The following IL4R variants were observed in gnomAD, a reference collection of about 807,000 sequenced individuals.
IL4R encodes the protein interleukin-4 receptor subunit alpha.
Under a neutral mutation model 41.5 loss-of-function variants are expected in IL4R, and 17 were observed. The ratio of observed to expected loss-of-function variants is 0.41; its 90% CI spans 0.28 to 0.61. The LOEUF (loss-of-function observed/expected upper bound fraction) is 0.61. Ranked by LOEUF, IL4R falls within the 20% of genes least tolerant of loss-of-function variation. IL4R has a pLI of 0.31. For missense variants in IL4R, 974 were observed against 1,043.1 expected (o/e 0.93, Z 0.91); for synonymous variants, 402 against 422.9 (o/e 0.95, Z 0.61).
At position 27,337,987 on chromosome 16, in the gene IL4R, C is replaced by T. The variant is rs1455693233; in HGVS notation, c.-18-2199C>T. Among the ~76,000 whole-genome samples the T allele has an allele frequency of 4.1e-5, 6 of 147,088 alleles. No individual in the cohort carries two copies. In the East Asian group the frequency reaches 1.2e-3, roughly 29 times the overall value. ...TTTTTTTTTTTTTGAGACAGAGTCT[C>T]ACTCTGTCACCCAGGCTGGAGTGCA... On this transcript the variant is annotated intron_variant, in intron 2 of 10. Transcript: ENST00000395762.
In IL4R at chr16:27,350,674, G is replaced by A. The variant is rs118156129; in HGVS notation, c.514-1866G>A. On this transcript the variant is annotated intron_variant, in intron 6 of 10. Transcript: ENST00000395762. ...CATCAGGGTCAGTCATGAATATAGC[G>A]TTCATGTATCACTTTTTAAAGCTTT... Among the ~76,000 whole-genome samples, 638 of 152,208 alleles carry A rather than the reference G, an allele frequency of 4.2e-3. 3 individuals carry two copies. The highest frequency in any genetic ancestry group is 0.01 in the South Asian group (50 of 4,826).
At chr16:27,335,678 T>C (rs537913443) in intron 2 of IL4R, among the ~76,000 whole-genome samples, 85 of 152,260 alleles carry the variant, frequency 5.6e-4, no homozygotes, top group African/African-American at 1.9e-3. Flanking sequence ...TTCCTTATTG[T>C]CTGGCACAAG....
At chr16:27,329,773 G>T (rs904174412) in intron 1 of IL4R, among the ~76,000 whole-genome samples, 1 of 151,942 alleles carries the variant, frequency 6.6e-6, no homozygotes, top group African/African-American at 2.4e-5. Flanking sequence ...ATTCATACAT[G>T]TAACCTCATT....
intron 6 of IL4R, among the ~76,000 whole-genome samples, chr16:27,348,772 G>T (rs868067148): frequency 6.6e-6 from 1 of 152,306 alleles, no homozygotes; most frequent in African/African-American, 2.4e-5. Context: ...CCTGCCTCTA[G>T]GGCTGCAGGT....
intron 8 of IL4R, among the ~76,000 whole-genome samples, chr16:27,357,425 G>A (rs140777920): frequency 6.6e-6 from 1 of 152,186 alleles, no homozygotes; most frequent in Admixed American, 6.5e-5. Context: ...GACAACAGGC[G>A]CTTGCCACCA....
At chr16:27,346,749 A>G in intron 6 of IL4R, 131 bp downstream of exon 6, 1 of 986,912 alleles carries the variant, frequency 1.0e-6, no homozygotes, top group Non-Finnish European at 1.5e-6. Context: ...CCCAGGAGCT[A>G]GAGACCTGGC....
rs752792692 is a variant in IL4R at position 27,344,909 on chromosome 16, T to G, written c.250T>G (p.Cys84Gly). The G allele has an allele frequency of 7.4e-6, 12 of 1,614,028 alleles. No homozygotes were observed. Among genetic ancestry groups the G allele is most frequent in the Non-Finnish European group, 1.0e-5 (12 of 1,180,008 alleles). ...CCCTGAGAACAACGGAGGCGCGGGG[T>G]GCGTGTGCCACCTGCTCATGGATGA... ...CIPENNGGAG[C>G]VCHLLMDDVV... Residue 84 changes from cysteine (C) to glycine (G), a missense_variant, in exon 5 of 11, where the codon TGC (cysteine) becomes GGC (glycine). By Grantham distance (159) the Cys-to-Gly change is radical (BLOSUM62 -3). Coordinates refer to ENST00000395762, the MANE Select transcript of IL4R (RefSeq NM_000418.4).
chr16:27,346,629 A>T lies in IL4R; in HGVS notation c.513+11A>T. 1.9e-6 allele frequency: 3 copies of T among 1,613,750 alleles called. No homozygotes were observed. Among genetic ancestry groups the T allele is most frequent in the Non-Finnish European group, 2.5e-6 (3 of 1,179,960 alleles). On this transcript the variant is annotated intron_variant, in intron 6 of 10. Transcript: ENST00000395762. ...AACGACCCGGCAGATGTGAGTGGGC[A>T]TGCTTTGACGTTTTTCTGTGACCTC...
intron 1 of IL4R, among the ~76,000 whole-genome samples, chr16:27,318,070 G>C (rs2141048505): frequency 6.6e-6 from 1 of 152,254 alleles, no homozygotes; most frequent in Admixed American, 6.5e-5. Flanking sequence ...AGCTTTATCT[G>C]TTATTCTGAA....
intron 1 of IL4R, among the ~76,000 whole-genome samples, chr16:27,317,499 G>A (rs1173789651): frequency 6.6e-6 from 1 of 152,212 alleles, no homozygotes; most frequent in Admixed American, 6.5e-5. Context: ...AGAGAGGCCA[G>A]GAGCTTGTCT....
intron 4 of IL4R, among the ~76,000 whole-genome samples, chr16:27,344,440 A>G (rs957210404): frequency 6.6e-6 from 1 of 151,600 alleles, no homozygotes; most frequent in African/African-American, 2.4e-5. Flanking sequence ...TTACAGAAAA[A>G]GTTTGCAGAC....
intron 8 of IL4R, among the ~76,000 whole-genome samples, chr16:27,356,153 A>C (rs2141196324): frequency 7.0e-6 from 1 of 142,526 alleles, no homozygotes; most frequent in East Asian, 2.0e-4. Context: ...GTATAGTGGC[A>C]CAATCTTGCC....
chr16:27,326,087 G>C (rs994992601), intron 1 of IL4R, among the ~76,000 whole-genome samples: 1 of 152,088 alleles, frequency 6.6e-6, no homozygotes, highest in African/African-American at 2.4e-5. Context: ...GCAGCCTGGT[G>C]TGAGCCCTGG....
intron 1 of IL4R, among the ~76,000 whole-genome samples, chr16:27,321,394 G>A (rs537828849): frequency 6.6e-6 from 1 of 152,326 alleles, no homozygotes; most frequent in African/African-American, 2.4e-5. Context: ...GAAATTATAA[G>A]TTTGGCCTGC....
At chr16:27,348,462 C>T (rs1236361021) in intron 6 of IL4R, among the ~76,000 whole-genome samples, 1 of 152,206 alleles carries the variant, frequency 6.6e-6, no homozygotes, top group East Asian at 1.9e-4. Context: ...TCAGGCATGG[C>T]TGGATCCAGC....
intron 2 of IL4R, among the ~76,000 whole-genome samples, chr16:27,336,646 C>A (rs1464932977): frequency 7.1e-6 from 1 of 140,908 alleles, no homozygotes; most frequent in African/African-American, 2.7e-5. Flanking sequence ...CCACTACACT[C>A]TAGCTTGGGT....
chr16:27,314,939 G>T (rs1055908903), intron 1 of IL4R, among the ~76,000 whole-genome samples: 1 of 152,102 alleles, frequency 6.6e-6, no homozygotes, highest in Admixed American at 6.5e-5. Flanking sequence ...CTCCCAAAAT[G>T]CTGGGATGAC....
upstream of IL4R, chr16:27,313,973 C>A (rs1008505853): frequency 1.0e-6 from 1 of 984,848 alleles, no homozygotes; most frequent in Non-Finnish European, 1.2e-6. Context: ...AGGGGTCCCC[C>A]ACTTCCCGCT....
At chr16:27,326,523 G>A (rs575082772) in intron 1 of IL4R, among the ~76,000 whole-genome samples, 4 of 152,144 alleles carry the variant, frequency 2.6e-5, no homozygotes, top group African/African-American at 7.2e-5. Flanking sequence ...AAAATTATTC[G>A]AGCATGGTGG....
Sources: gnomAD v4.1 joint callset for allele counts (sites outside exome capture counted in the v4.1 genomes callset) on GRCh38, gnomAD v4.1.1 for gene constraint, MANE v1.5 for transcripts, NCBI Gene and HGNC (gene_info 2026-07-23, HGNC 2026-07-21) for gene names.